HTR1F: variants seen among roughly 807,000 people sequenced by gnomAD.
HTR1F encodes the protein 5-hydroxytryptamine receptor 1F, also known as 5-hydroxytryptamine (serotonin) receptor 1F, G protein-coupled.
Under a neutral mutation model 24.0 loss-of-function variants are expected in HTR1F, and 17 were observed. The observed-to-expected ratio is 0.71, with a 90% CI of 0.48 to 1.06. The LOEUF (loss-of-function observed/expected upper bound fraction) is 1.06, where lower values mean the gene tolerates loss of function less well. HTR1F is among the 50% of genes least tolerant of loss of function. The pLI, the probability that HTR1F is intolerant of heterozygous loss-of-function variation, is 0.00. For synonymous variants in HTR1F, 186 were observed against 156.8 expected (o/e 1.19, Z -1.39); for missense variants, 391 against 427.8 (o/e 0.91, Z 0.76).
chr3:87,869,436 CATAG>C (rs1313420486), intron 2 of HTR1F, among the ~76,000 whole-genome samples: 172 of 117,152 alleles, frequency 1.5e-3, no homozygotes, highest in Admixed American at 3.8e-3. Context: ...TAGATAGATA[CATAG>C]ATAGATAGAT....
chr3:87,799,967 C>T (rs535101474), intron 1 of HTR1F, among the ~76,000 whole-genome samples: 51 of 152,204 alleles, frequency 3.4e-4, no homozygotes, highest in African/African-American at 1.2e-3. Context: ...AGTTTTTCTC[C>T]AGACTCAGCC....
chr3:87,842,281 C>T (rs534352246), intron 2 of HTR1F, among the ~76,000 whole-genome samples: 27 of 151,890 alleles, frequency 1.8e-4, no homozygotes, highest in African/African-American at 6.1e-4. Flanking sequence ...CTGCCTCAGC[C>T]TCCCGAGTAG....
At chr3:87,831,530 T>C (rs901062342) in intron 2 of HTR1F, among the ~76,000 whole-genome samples, 1 of 151,682 alleles carries the variant, frequency 6.6e-6, no homozygotes, top group East Asian at 2.0e-4. Context: ...GCCCGGCTAA[T>C]TTTTTGTATT....
chr3:87,987,664 A>G (rs13083214), intron 2 of HTR1F, among the ~76,000 whole-genome samples: 2,155 of 98,412 alleles, frequency 0.022, 354 homozygotes, highest in Middle Eastern at 0.044. Flanking sequence ...ATATAAAAAT[A>G]TATGTATTAT....
chr3:87,837,795 G>C (rs1305182625), intron 2 of HTR1F, among the ~76,000 whole-genome samples: 1 of 151,718 alleles, frequency 6.6e-6, no homozygotes, highest in African/African-American at 2.4e-5. Context: ...CCATTTTCTG[G>C]CATTAAGTGG....
chr3:87,845,677 C>T (rs1479914561), intron 2 of HTR1F, among the ~76,000 whole-genome samples: 2 of 151,780 alleles, frequency 1.3e-5, no homozygotes, highest in East Asian at 3.9e-4. Context: ...TTTACAGATT[C>T]AATGCCATCC....
At chr3:87,811,510 G>A (rs2107098245) in intron 1 of HTR1F, among the ~76,000 whole-genome samples, 2 of 152,238 alleles carry the variant, frequency 1.3e-5, no homozygotes, top group Admixed American at 1.3e-4. Flanking sequence ...GCCCTGAAAT[G>A]TATATAATAG....
intron 2 of HTR1F, among the ~76,000 whole-genome samples, chr3:87,958,658 C>CCA (rs898566642): frequency 2.0e-5 from 3 of 151,472 alleles, no homozygotes; most frequent in African/African-American, 7.3e-5. Context: ...ATCCCTTTAC[C>CCA]CACACGTTAT....
At chr3:87,888,706 A>G (rs1040676836) in intron 2 of HTR1F, among the ~76,000 whole-genome samples, 2 of 152,176 alleles carry the variant, frequency 1.3e-5, no homozygotes, top group South Asian at 2.1e-4. Context: ...ATTCCTTGCT[A>G]TCTAACTTCC....
chr3:87,938,748 G>A (rs980177390), intron 2 of HTR1F, among the ~76,000 whole-genome samples: 8 of 152,154 alleles, frequency 5.3e-5, no homozygotes, highest in African/African-American at 7.2e-5. Context: ...GCGGAAGATT[G>A]AAACTGGACC....
At position 87,869,454 on chromosome 3, in the gene HTR1F, T is replaced by TAGATGATAGATA. The variant is rs113301497; in HGVS notation, c.-43+47330_-43+47331insAGATGATAGATA. Among the ~76,000 whole-genome samples, 228 of 124,848 alleles carry TAGATGATAGATA rather than the reference T, an allele frequency of 1.8e-3. 1 individual carries two copies. Among genetic ancestry groups the TAGATGATAGATA allele is most frequent in the African/African-American group, 7.5e-3 (208 of 27,726 alleles). The allele number at this position is 124,848 out of a possible 152,430, so 81.9% of individuals were successfully genotyped here. ...ATAGATACATAGATAGATAGATAGA[T>TAGATGATAGATA]GATAGATAGATAGATAGATAGATAG... On this transcript the variant is annotated intron_variant, in intron 2 of 2. Coordinates refer to ENST00000319595, the MANE Select transcript of HTR1F (RefSeq NM_001322209.2).
chr3:87,960,575 C>T (rs546312658), intron 2 of HTR1F, among the ~76,000 whole-genome samples: 2 of 151,894 alleles, frequency 1.3e-5, no homozygotes, highest in Non-Finnish European at 2.9e-5. Context: ...ATAACTAGAC[C>T]ATTCTGAGTT....
intron 2 of HTR1F, among the ~76,000 whole-genome samples, chr3:87,933,380 A>C (rs1458496786): frequency 6.6e-6 from 1 of 152,040 alleles, no homozygotes; most frequent in Non-Finnish European, 1.5e-5. Flanking sequence ...AAGGAAATAA[A>C]GGGTATTCAA....
At chr3:87,843,417 T>A (rs1356051740) in intron 2 of HTR1F, among the ~76,000 whole-genome samples, 1 of 151,878 alleles carries the variant, frequency 6.6e-6, no homozygotes, top group Non-Finnish European at 1.5e-5. Context: ...ATCATACATG[T>A]TGTTTTGAAG....
At chr3:87,968,503 C>T (rs1705215572) in intron 2 of HTR1F, among the ~76,000 whole-genome samples, 1 of 152,004 alleles carries the variant, frequency 6.6e-6, no homozygotes, top group Non-Finnish European at 1.5e-5. Flanking sequence ...TGAACCACCG[C>T]ACCTGGCCAG....
intron 2 of HTR1F, among the ~76,000 whole-genome samples, chr3:87,843,673 T>TCCCCC (rs36180414): frequency 2.4e-5 from 3 of 122,586 alleles, no homozygotes; most frequent in Non-Finnish European, 3.3e-5. Context: ...GTGCTATCCC[T>TCCCCC]CCCCCTCCCC....
At chr3:87,872,909 G>A (rs1705589230) in intron 2 of HTR1F, among the ~76,000 whole-genome samples, 1 of 151,992 alleles carries the variant, frequency 6.6e-6, no homozygotes, top group African/African-American at 2.4e-5. Flanking sequence ...CAAAAAATTG[G>A]GAGGAAGGAA....
intron 2 of HTR1F, among the ~76,000 whole-genome samples, chr3:87,968,502 G>T (rs150261093): frequency 0.015 from 2,346 of 152,142 alleles, 62 homozygotes; most frequent in African/African-American, 0.053. Flanking sequence ...ATGAACCACC[G>T]CACCTGGCCA....
chr3:87,880,201 T>C (rs1182451340), intron 2 of HTR1F, among the ~76,000 whole-genome samples: 1 of 152,176 alleles, frequency 6.6e-6, no homozygotes, highest in Non-Finnish European at 1.5e-5. Context: ...AAAAGGGGCA[T>C]GAGAAAACTT....
Sources: gnomAD v4.1 joint callset for allele counts (sites outside exome capture counted in the v4.1 genomes callset) on GRCh38, gnomAD v4.1.1 for gene constraint, MANE v1.5 for transcripts, NCBI Gene and HGNC (gene_info 2026-07-23, HGNC 2026-07-21) for gene names.